RALGPS1: variants seen among roughly 807,000 people sequenced by gnomAD.
The protein encoded by RALGPS1 is Ral GEF with PH domain and SH3 binding motif 1.
In RALGPS1, 19 loss-of-function variants were observed where a neutral mutation model predicts 78.8. The ratio of observed to expected loss-of-function variants is 0.24; its 90% CI spans 0.17 to 0.35. The LOEUF (loss-of-function observed/expected upper bound fraction) is 0.35. Among genes scored for constraint, RALGPS1 ranks in the 10% least tolerant of loss-of-function variants. RALGPS1 has a pLI of 1.00. For synonymous variants in RALGPS1, 228 were observed against 256.3 expected (o/e 0.89, Z 1.06); for missense variants, 454 against 688.3 (o/e 0.66, Z 3.81).
chr9:127,051,200 G>A (rs2048282364), intron 6 of RALGPS1, among the ~76,000 whole-genome samples: 1 of 152,228 alleles, frequency 6.6e-6, no homozygotes, highest in South Asian at 2.1e-4. Context: ...AATGATATTT[G>A]TTGCTGTCAA....
intron 4 of RALGPS1, among the ~76,000 whole-genome samples, chr9:126,996,449 C>T (rs1409302170): frequency 6.6e-6 from 1 of 151,914 alleles, no homozygotes; most frequent in Non-Finnish European, 1.5e-5. Context: ...GGATAAATTC[C>T]TTGACACATG....
intron 8 of RALGPS1, among the ~76,000 whole-genome samples, chr9:127,161,296 G>T (rs2059003728): frequency 6.6e-6 from 1 of 152,238 alleles, no homozygotes; most frequent in Non-Finnish European, 1.5e-5. Flanking sequence ...CGTAAGGTCA[G>T]CTCAGCTTCT....
chr9:127,010,866 T>C (rs867725841), intron 4 of RALGPS1, among the ~76,000 whole-genome samples: 4 of 152,240 alleles, frequency 2.6e-5, no homozygotes, highest in African/African-American at 4.8e-5. Flanking sequence ...ATTCCCCTTA[T>C]GAGAGAGCTC....
intron 3 of RALGPS1, among the ~76,000 whole-genome samples, chr9:126,975,646 A>G (rs975693725): frequency 6.6e-6 from 1 of 152,216 alleles, no homozygotes; most frequent in Admixed American, 6.5e-5. Context: ...ATCTGGCAGA[A>G]GAAATGCCAG....
Position 126,996,214 on chromosome 9 carries a change from A to C in RALGPS1, c.216+18469A>C, listed in dbSNP as rs548193238. Among the ~76,000 whole-genome samples the C allele has an allele frequency of 6.8e-4, 104 of 152,344 alleles. 2 individuals carry two copies. The highest frequency in any genetic ancestry group is 2.4e-3 in the African/African-American group (100 of 41,584). On this transcript the variant is annotated intron_variant, in intron 4 of 18. Coordinates refer to ENST00000259351, the MANE Select transcript of RALGPS1 (RefSeq NM_014636.3). The stretch of plus-strand genomic sequence containing the variant: ...AACTGAAGGAAATAGAGACACAAAA[A>C]ACCCTTCAAAAAATTAATGAATCCA...
At chr9:127,154,394 C>T (rs2058598800) in intron 8 of RALGPS1, among the ~76,000 whole-genome samples, 1 of 152,260 alleles carries the variant, frequency 6.6e-6, no homozygotes, top group Non-Finnish European at 1.5e-5. Flanking sequence ...TGAGGACTCA[C>T]ATCCTCTCAT....
intron 4 of RALGPS1, among the ~76,000 whole-genome samples, chr9:127,006,136 C>G (rs898400847): frequency 5.9e-5 from 9 of 152,226 alleles, no homozygotes; most frequent in African/African-American, 2.2e-4. Context: ...AAGCATTACC[C>G]TGAAGAACAG....
At chr9:127,102,097 A>G (rs1381931222) in intron 8 of RALGPS1, among the ~76,000 whole-genome samples, 2 of 152,180 alleles carry the variant, frequency 1.3e-5, no homozygotes, top group Non-Finnish European at 2.9e-5. Context: ...CAGTGTTCCC[A>G]TCAAGAGGTC....
chr9:126,937,576 G>A (rs1044925728), intron 1 of RALGPS1, among the ~76,000 whole-genome samples: 3 of 152,164 alleles, frequency 2.0e-5, no homozygotes, highest in African/African-American at 7.2e-5. Context: ...AGATATCATG[G>A]ACCCATGTTC....
chr9:126,981,290 T>C (rs1357049357), intron 4 of RALGPS1, among the ~76,000 whole-genome samples: 3 of 152,288 alleles, frequency 2.0e-5, no homozygotes, highest in Admixed American at 2.0e-4. Context: ...ACAGAGGGTG[T>C]GGTCAAGGAC....
chr9:127,139,992 A>G (rs1236514248), intron 8 of RALGPS1, among the ~76,000 whole-genome samples: 2 of 152,222 alleles, frequency 1.3e-5, no homozygotes, highest in Non-Finnish European at 2.9e-5. Flanking sequence ...CCTTTGGGAA[A>G]CGCAGAGATG....
intron 8 of RALGPS1, among the ~76,000 whole-genome samples, chr9:127,098,310 C>T (rs746104264): frequency 7.2e-5 from 11 of 152,312 alleles, no homozygotes; most frequent in South Asian, 2.1e-4. Context: ...TTTAACTTGG[C>T]GCCCCTTCTG....
intron 4 of RALGPS1, among the ~76,000 whole-genome samples, chr9:127,012,302 AAAGCTTAAAAAGTTT>A (rs1449672901): frequency 6.6e-6 from 1 of 152,184 alleles, no homozygotes; most frequent in Non-Finnish European, 1.5e-5. Flanking sequence ...TTAAGCAGGG[AAAGCTTAAAAAGTTT>A]AAGCTTAAAA....
At chr9:126,963,568 C>T (rs1487832440) in intron 2 of RALGPS1, among the ~76,000 whole-genome samples, 1 of 152,236 alleles carries the variant, frequency 6.6e-6, no homozygotes, top group African/African-American at 2.4e-5. Context: ...GATACATTTA[C>T]ACCAACATAG....
At chr9:126,947,720 A>G (rs894069682) in intron 1 of RALGPS1, among the ~76,000 whole-genome samples, 3 of 152,106 alleles carry the variant, frequency 2.0e-5, no homozygotes, top group Non-Finnish European at 4.4e-5. Context: ...TTGTGCTCCT[A>G]TCAAGCCTGC....
At chr9:126,952,180 C>T (rs2037888297) in intron 1 of RALGPS1, among the ~76,000 whole-genome samples, 1 of 152,214 alleles carries the variant, frequency 6.6e-6, no homozygotes, top group Admixed American at 6.5e-5. Context: ...GATCCTGTCT[C>T]TAAAGCCAGC....
intron 5 of RALGPS1, among the ~76,000 whole-genome samples, chr9:127,049,674 T>A (rs920956292): frequency 2.6e-5 from 4 of 152,184 alleles, no homozygotes; most frequent in African/African-American, 9.6e-5. Context: ...CCACCCATCA[T>A]CTATGATCTC....
At chr9:126,996,001 A>G (rs2042715590) in intron 4 of RALGPS1, among the ~76,000 whole-genome samples, 1 of 152,240 alleles carries the variant, frequency 6.6e-6, no homozygotes, top group East Asian at 1.9e-4. Flanking sequence ...AAGACACAAC[A>G]TACCAGAATC....
intron 2 of RALGPS1, among the ~76,000 whole-genome samples, chr9:126,964,677 G>C (rs1302303373): frequency 6.6e-6 from 1 of 152,022 alleles, no homozygotes; most frequent in Non-Finnish European, 1.5e-5. Context: ...AAGAGTTTTT[G>C]GTATAGTAGA....
Sources: gnomAD v4.1 joint callset for allele counts (sites outside exome capture counted in the v4.1 genomes callset) on GRCh38, gnomAD v4.1.1 for gene constraint, MANE v1.5 for transcripts, NCBI Gene and HGNC (gene_info 2026-07-23, HGNC 2026-07-21) for gene names.